The following NRCAM variants were observed in gnomAD, a reference collection of about 807,000 sequenced individuals.
NRCAM encodes the protein neuronal cell adhesion molecule, also known as NgCAM-related cell adhesion molecule.
A neutral mutation model predicts 156.5 loss-of-function variants in NRCAM; 83 were observed. That is an observed-to-expected ratio of 0.53 (90% CI 0.44 to 0.64). NRCAM has a LOEUF of 0.64. NRCAM is among the 30% of genes least tolerant of loss of function. The pLI, the probability that NRCAM is intolerant of heterozygous loss-of-function variation, is 0.00. For missense variants in NRCAM, 1,417 were observed against 1,597.3 expected, an observed-to-expected ratio of 0.89 and a Z score of 1.92; for synonymous variants, 538 against 563.9, an observed-to-expected ratio of 0.95 and a Z score of 0.65.
chr7:108,204,980 G>A lies in NRCAM; in HGVS notation c.1207+2548C>T, dbSNP rs139355482. The stretch of plus-strand genomic sequence containing the variant: ...TAAAAGGGGAGTGTTATTATGTTAT[G>A]AGTGTATTTTCAAAGCTGTTAAGAT... On this transcript the variant is annotated intron_variant, in intron 13 of 32. Coordinates refer to ENST00000379028, the MANE Select transcript of NRCAM (RefSeq NM_001037132.4). Among the ~76,000 whole-genome samples the A allele has an allele frequency of 4.7e-3, 713 of 151,908 alleles. 6 individuals carry two copies. The highest frequency in any genetic ancestry group is 0.016 in the African/African-American group (672 of 41,194).
intron 3 of NRCAM, among the ~76,000 whole-genome samples, chr7:108,247,264 T>A (rs1655679953): frequency 6.6e-6 from 1 of 152,202 alleles, no homozygotes; most frequent in African/African-American, 2.4e-5. Flanking sequence ...AATAATGAAT[T>A]AAGATAAACT....
chr7:108,231,051 A>G lies in NRCAM; in HGVS notation c.530T>C (p.Ile177Thr), dbSNP rs1370606878. ...CTTACAATTATCCATCCAAAATATT[A>G]TAGGTGGTGGTAATCCAATTGGGGG... The part of the protein sequence containing the change: ...CRPPIGLPPP[I>T]IFWMDNSFQR... The change falls in exon 8 of 33, where the codon ATA (isoleucine) becomes ACA (threonine). Residue 177 changes from isoleucine (I) to threonine (T), a missense_variant. This residue lies in a region of NRCAM where 1,238 missense variants were observed against 1,336.4 expected (regional missense o/e 0.93). Coordinates refer to ENST00000379028, the MANE Select transcript of NRCAM (RefSeq NM_001037132.4). 1 of 1,605,906 alleles carries G rather than the reference A, an allele frequency of 6.2e-7. No homozygotes were observed. Among genetic ancestry groups the G allele is most frequent in the Admixed American group, 1.7e-5 (1 of 59,374 alleles).
At chr7:108,301,187 A>G (rs2154151944) in intron 3 of NRCAM, among the ~76,000 whole-genome samples, 1 of 152,358 alleles carries the variant, frequency 6.6e-6, no homozygotes, top group East Asian at 1.9e-4. Flanking sequence ...CTGTTATTGC[A>G]TATCTGAACA....
intron 32 of NRCAM, among the ~76,000 whole-genome samples, chr7:108,155,087 C>CATATAT (rs148453642): frequency 0.036 from 4,030 of 113,396 alleles, 131 homozygotes; most frequent in African/African-American, 0.069. Flanking sequence ...ATTTAAAAGT[C>CATATAT]ATATATATAT....
chr7:108,211,429 A>C (rs2084315888), intron 11 of NRCAM, among the ~76,000 whole-genome samples: 1 of 152,192 alleles, frequency 6.6e-6, no homozygotes, highest in Non-Finnish European at 1.5e-5. Context: ...CAGACTCCAT[A>C]GGCTGGGGAA....
chr7:108,306,780 G>C (rs1030690012), intron 3 of NRCAM, among the ~76,000 whole-genome samples: 3 of 152,184 alleles, frequency 2.0e-5, no homozygotes, highest in African/African-American at 7.2e-5. Flanking sequence ...GAATTACCCT[G>C]TCTGGCCTGA....
At chr7:108,287,653 C>T (rs1272760241) in intron 3 of NRCAM, among the ~76,000 whole-genome samples, 1 of 115,434 alleles carries the variant, frequency 8.7e-6, no homozygotes, top group Non-Finnish European at 2.1e-5. Flanking sequence ...TCACCAATAA[C>T]ACATGAGATA....
intron 1 of NRCAM, among the ~76,000 whole-genome samples, chr7:108,412,622 G>T (rs145021881): frequency 1.3e-5 from 2 of 152,068 alleles, no homozygotes; most frequent in African/African-American, 2.4e-5. Context: ...TAGTCATCAT[G>T]TTTTATAACA....
At chr7:108,310,229 GAC>G (rs1254743770) in intron 3 of NRCAM, among the ~76,000 whole-genome samples, 1 of 152,138 alleles carries the variant, frequency 6.6e-6, no homozygotes, top group African/African-American at 2.4e-5. Flanking sequence ...TTACTACTAG[GAC>G]CAAACTTACA....
Position 108,347,032 on chromosome 7 carries a change from G to GTTTTTTTTTTTT in NRCAM, c.-173-34313_-173-34302dup, listed in dbSNP as rs754160030. ...CATATGTGACTCATATTATATTTCT[G>GTTTTTTTTTTTT]TTTTTTTTTTTTTTTTTTTTTTTGA... is the stretch of plus-strand genomic sequence containing the variant. On this transcript the variant is annotated intron_variant, in intron 2 of 32. Transcript: ENST00000379028. Among the ~76,000 whole-genome samples, 3 of 83,052 alleles carry GTTTTTTTTTTTT rather than the reference G, an allele frequency of 3.6e-5. 1 individual carries two copies. Among genetic ancestry groups the GTTTTTTTTTTTT allele is most frequent in the Non-Finnish European group, 6.3e-5 (3 of 47,462 alleles). The allele number at this position is 83,052 out of a possible 152,430, so 54.5% of individuals were successfully genotyped here.
intron 2 of NRCAM, among the ~76,000 whole-genome samples, chr7:108,316,557 C>T (rs1053429134): frequency 5.9e-5 from 9 of 151,842 alleles, no homozygotes; most frequent in African/African-American, 2.4e-5. Context: ...AGGCAGATCA[C>T]GAAGTCAGGA....
chr7:108,321,343 T>C (rs769748227), intron 2 of NRCAM, among the ~76,000 whole-genome samples: 1 of 152,198 alleles, frequency 6.6e-6, no homozygotes, highest in Non-Finnish European at 1.5e-5. Flanking sequence ...CTGTAGGCTG[T>C]ACAGGAAGCT....
At chr7:108,444,943 G>T (rs938981289) in intron 1 of NRCAM, among the ~76,000 whole-genome samples, 5 of 152,132 alleles carry the variant, frequency 3.3e-5, no homozygotes, top group African/African-American at 4.8e-5. Flanking sequence ...AGGTGCAGAG[G>T]AACAGAATAA....
chr7:108,346,740 T>C (rs2099357539), intron 2 of NRCAM, among the ~76,000 whole-genome samples: 1 of 152,186 alleles, frequency 6.6e-6, no homozygotes, highest in Admixed American at 6.5e-5. Context: ...TAGAGCATGC[T>C]GTCCAATCCA....
At chr7:108,191,933 CTG>C (rs2071959893) in intron 17 of NRCAM, 80 bp from the exon 18 acceptor site, 3 of 1,486,752 alleles carry the variant, frequency 2.0e-6, no homozygotes, top group Non-Finnish European at 2.7e-6. Flanking sequence ...AGGAAAAAAA[CTG>C]TAAATTTGAT....
chr7:108,348,333 T>C (rs1355599198), intron 2 of NRCAM, among the ~76,000 whole-genome samples: 1 of 152,048 alleles, frequency 6.6e-6, no homozygotes, highest in East Asian at 1.9e-4. Flanking sequence ...CAACAAGGTA[T>C]GTTCAGAGCT....
chr7:108,298,624 G>C (rs1367973496), intron 3 of NRCAM, among the ~76,000 whole-genome samples: 3 of 151,358 alleles, frequency 2.0e-5, no homozygotes, highest in Non-Finnish European at 2.9e-5. Context: ...CTGTACTCCA[G>C]CCTGGGTAAC....
At chr7:108,304,492 CTT>C (rs368012331) in intron 3 of NRCAM, among the ~76,000 whole-genome samples, 1 of 151,756 alleles carries the variant, frequency 6.6e-6, no homozygotes, top group Admixed American at 6.6e-5. Flanking sequence ...GTATCTGGCT[CTT>C]TTTGCATTTT....
At chr7:108,392,898 A>G (rs551899943) in intron 2 of NRCAM, among the ~76,000 whole-genome samples, 22 of 152,264 alleles carry the variant, frequency 1.4e-4, no homozygotes, top group Middle Eastern at 3.4e-3. Context: ...CAGAACAGCA[A>G]ATGTTGCTGC....
Sources: allele counts gnomAD v4.1 joint callset (sites outside exome capture counted in the v4.1 genomes callset), GRCh38; gene constraint gnomAD v4.1.1; regional missense constraint gnomAD v4.1.1; transcripts MANE v1.5; gene names NCBI Gene and HGNC (gene_info 2026-07-23, HGNC 2026-07-21).